HAP1: variants seen among roughly 807,000 people sequenced by gnomAD.
The protein encoded by HAP1 is huntingtin-associated protein 1.
A neutral mutation model predicts 60.3 loss-of-function variants in HAP1; 59 were observed. That is an observed-to-expected ratio of 0.98 (90% CI 0.79 to 1.22). The LOEUF (loss-of-function observed/expected upper bound fraction) is 1.22, where lower values mean the gene tolerates loss of function less well. Among genes scored for constraint, HAP1 ranks in the 50% most tolerant of loss-of-function variants. HAP1 has a pLI of 0.00. For missense variants in HAP1, 825 were observed against 785.3 expected, an observed-to-expected ratio of 1.05 and a Z score of -0.60; for synonymous variants, 346 against 330.6, an observed-to-expected ratio of 1.05 and a Z score of -0.50.
downstream of HAP1, among the ~76,000 whole-genome samples, chr17:41,718,734 C>A (rs1416891314): frequency 6.6e-6 from 1 of 152,200 alleles, no homozygotes; most frequent in Admixed American, 6.5e-5. Context: ...AGGAAAACGT[C>A]CTACGTAAAT....
rs200903761 is a variant in HAP1 at position 41,731,749 on chromosome 17, G to A, written c.897-6C>T. Reference sequence around the variant, plus strand: ...GCAATGCCTCCTGCGAAATCCTAGGGGAGGGAGGAATGGGAGTCAGGGTGC... The same window carrying A: ...GCAATGCCTCCTGCGAAATCCTAGGAGAGGGAGGAATGGGAGTCAGGGTGC... On this transcript the variant is annotated splice_polypyrimidine_tract_variant and splice_region_variant and intron_variant, in intron 4 of 10. Coordinates refer to ENST00000347901, the MANE Select transcript of HAP1 (RefSeq NM_177977.3). 131 of 1,605,996 alleles carry A rather than the reference G, an allele frequency of 8.2e-5. No individual in the cohort carries two copies. The highest frequency in any genetic ancestry group is 1.0e-5 in the Non-Finnish European group (12 of 1,172,920).
At chr17:41,728,527 T>C (rs1911871022) in intron 6 of HAP1, among the ~76,000 whole-genome samples, 196 bp from the exon 7 acceptor site, 1 of 152,070 alleles carries the variant, frequency 6.6e-6, no homozygotes, top group African/African-American at 2.4e-5. Flanking sequence ...GGCACCAGGG[T>C]GAGTGGTCAG....
intron 10 of HAP1, 47 bp downstream of exon 10, chr17:41,725,812 T>C (rs781960500): frequency 6.0e-6 from 9 of 1,492,756 alleles, no homozygotes; most frequent in Admixed American, 1.7e-5. Flanking sequence ...GCTGTCTGGC[T>C]GCTGAAAGCT....
downstream of HAP1, among the ~76,000 whole-genome samples, chr17:41,718,759 G>A (rs782746836): frequency 5.9e-5 from 9 of 152,166 alleles, no homozygotes; most frequent in Non-Finnish European, 1.0e-4. Context: ...TTGTCATTCT[G>A]TGTCCTCCCA....
Position 41,723,066 on chromosome 17 carries a change from T to C in HAP1, c.*1635A>G, listed in dbSNP as rs988158505. On this transcript the variant is annotated 3_prime_UTR_variant, in exon 11 of 11. Transcript: ENST00000347901. ...TCAACAAGAACCAGGGTGGCTACCA[T>C]TAGCATGGGCATCAAGGGGTGAGGG... The C allele has an allele frequency of 6.6e-6, 1 of 152,420 alleles. No individual in the cohort carries two copies. Among genetic ancestry groups the C allele is most frequent in the Admixed American group, 6.5e-5 (1 of 15,278 alleles). 9.4% of individuals were successfully genotyped at this position (152,420 alleles called of 1,614,324 possible).
At chr17:41,727,176 A>G (rs922423118) in intron 8 of HAP1, 32 bp from the exon 9 acceptor site, 11 of 1,183,648 alleles carry the variant, frequency 9.3e-6, no homozygotes, top group Non-Finnish European at 1.4e-5. Flanking sequence ...TTACCAGAGG[A>G]CCCCCACAGA....
rs1911550155 is a variant in HAP1 at position 41,725,334 on chromosome 17, G to A, written c.1407-180C>T. ...CCCAGCCCATCCCCCTGGTGGGAGG[G>A]AGGAAGAATGGTCACCAACACTGCA... On this transcript the variant is annotated intron_variant, in intron 10 of 10. Transcript: ENST00000347901. Among the ~76,000 whole-genome samples the A allele has an allele frequency of 2.0e-5, 3 of 152,072 alleles. No individual in the cohort carries two copies. The South Asian group carries it at 6.2e-4, about 32-fold the overall frequency.
Position 41,722,821 on chromosome 17 carries a change from G to A in HAP1, c.*1880C>T, listed in dbSNP as rs1911296425. 6.6e-6 allele frequency: 1 copy of A among 152,242 alleles called. No homozygotes were observed. The highest frequency in any genetic ancestry group is 2.1e-4 in the South Asian group (1 of 4,794). The allele number at this position is 152,242 out of a possible 1,614,324, so 9.4% of individuals were successfully genotyped here. ...AACATGGAAGAGGAAGCCAGGGGCA[G>A]GGAGGGGGGGATCAAGACAGAGGGG... On this transcript the variant is annotated 3_prime_UTR_variant, in exon 11 of 11. Transcript: ENST00000347901.
At position 41,734,487 on chromosome 17, in the gene HAP1, CT is replaced by C. The variant is rs1555592171; in HGVS notation, c.147del (p.Val50Ter). 3 of 1,612,008 alleles carry C rather than the reference CT, an allele frequency of 1.9e-6. No individual in the cohort carries two copies. The South Asian group carries it at 3.3e-5, about 18-fold the overall frequency. On this transcript the variant is annotated frameshift_variant, in exon 1 of 11. Coordinates refer to ENST00000347901, the MANE Select transcript of HAP1 (RefSeq NM_177977.3). LOFTEE classifies it high-confidence loss of function. ...AQPQARGTGQ[R>X]VGSRATSGSQ... ...GATCCAGAGGTGGCTCGGGATCCTA[CT>C]CTCTGTCCAGTGCCCCGTGCCTGCG... is the stretch of plus-strand genomic sequence containing the variant.
chr17:41,717,801 A>G (rs1911038617), downstream of HAP1: 2 of 289,112 alleles, frequency 6.9e-6, no homozygotes, highest in Non-Finnish European at 1.6e-5. Flanking sequence ...GAGCGTGACA[A>G]GTCCCTCCTC....
chr17:41,722,043 A>C (rs1911237499), downstream of HAP1: 1 of 137,592 alleles, frequency 7.3e-6, no homozygotes, highest in Non-Finnish European at 1.6e-5. Context: ...ACGCCCAGCT[A>C]ATTTTTGTAT....
rs1019093562 is a variant in HAP1 at position 41,724,630 on chromosome 17, G to A, written c.*71C>T. 76 of 1,122,774 alleles carry A rather than the reference G, an allele frequency of 6.8e-5. No homozygotes were observed. The highest frequency in any genetic ancestry group is 9.1e-5 in the Non-Finnish European group (70 of 767,902). 69.6% of individuals were successfully genotyped at this position (1,122,774 alleles called of 1,614,324 possible). On this transcript the variant is annotated 3_prime_UTR_variant, in exon 11 of 11. Transcript: ENST00000347901. ...TATGCAAATGATATGCAAAGTCCAT[G>A]CAAATAAGCACAGCAGGTAGAGCCA...
Position 41,728,193 on chromosome 17 carries a change from C to CGACT in HAP1, c.1200+4_1200+7dup. 6.2e-7 allele frequency: 1 copy of CGACT among 1,609,300 alleles called. No homozygotes were observed. The highest frequency in any genetic ancestry group is 1.3e-5 in the African/African-American group (1 of 75,056). On this transcript the variant is annotated splice_region_variant and intron_variant, in intron 7 of 10. Coordinates refer to ENST00000347901, the MANE Select transcript of HAP1 (RefSeq NM_177977.3). The stretch of plus-strand genomic sequence containing the variant: ...ACGACAAGAGGGTTCCACACACACC[C>CGACT]GACTCACCATCCGGCAGCGCTGCTG...
intron 6 of HAP1, chr17:41,730,091 A>AAGAAG (rs1912054665): frequency 5.2e-5 from 1 of 19,294 alleles, no homozygotes; most frequent in African/African-American, 6.1e-4. Flanking sequence ...AAGAAAAGAA[A>AAGAAG]AGAAAAGAAA....
chr17:41,731,471 C>G, intron 6 of HAP1, 22 bp downstream of exon 6: 2 of 1,552,118 alleles, frequency 1.3e-6, no homozygotes, highest in Non-Finnish European at 1.8e-6. Context: ...AACCCCCCAC[C>G]CCGAGTGACA....
intron 8 of HAP1, chr17:41,727,554 C>T: frequency 1.4e-6 from 1 of 692,600 alleles, no homozygotes; most frequent in East Asian, 2.6e-5. Flanking sequence ...ATGTGGGGGA[C>T]CCAGGGCAGG....
downstream of HAP1, chr17:41,722,135 C>T (rs1190603392): frequency 6.6e-6 from 1 of 152,278 alleles, no homozygotes; most frequent in East Asian, 1.9e-4. Context: ...ACCTCGGCCT[C>T]CCAAAGTGCT....
chr17:41,724,813 T>G lies in HAP1; in HGVS notation c.1748A>C (p.Gln583Pro), dbSNP rs1330681903. The change falls in exon 11 of 11, where the codon CAA becomes CCA. Residue 583 changes from glutamine (Q) to proline (P), a missense_variant. Transcript: ENST00000347901. ...NYVLQQLANW[Q>P]DAHYRRQLRW... The stretch of plus-strand genomic sequence containing the variant: ...CAGCTGCCGCCTGTAATGGGCATCT[T>G]GCCAGTTGGCCAGCTGCTGGAGGAC... 6.2e-7 allele frequency: 1 copy of G among 1,613,104 alleles called. No individual in the cohort carries two copies. Among genetic ancestry groups the G allele is most frequent in the Middle Eastern group, 1.7e-4 (1 of 6,058 alleles).
chr17:41,727,347 G>T (rs1555589156), intron 8 of HAP1: 2 of 780,796 alleles, frequency 2.6e-6, no homozygotes. Context: ...GGACACTGGG[G>T]GTTGCTGGCG....
Sources: gnomAD v4.1 joint callset for allele counts (sites outside exome capture counted in the v4.1 genomes callset) on GRCh38, gnomAD v4.1.1 for gene constraint, MANE v1.5 for transcripts, NCBI Gene and HGNC (gene_info 2026-07-23, HGNC 2026-07-21) for gene names.